The following GRIN1 variants were observed in gnomAD, a reference collection of about 807,000 sequenced individuals.
GRIN1 encodes the protein glutamate receptor ionotropic, NMDA 1.
A neutral mutation model predicts 103.0 loss-of-function variants in GRIN1; 38 were observed. That is an observed-to-expected ratio of 0.37 (90% CI 0.28 to 0.48). GRIN1 has a LOEUF of 0.48. GRIN1 is among the 20% of genes least tolerant of loss of function. The pLI is 0.98. For synonymous variants in GRIN1, 544 were observed against 532.7 expected (o/e 1.02, Z -0.29); for missense variants, 577 against 1,288.9 (o/e 0.45, Z 8.46).
intron 8 of GRIN1, among the ~76,000 whole-genome samples, chr9:137,159,360 C>T (rs529928200): frequency 2.6e-5 from 4 of 152,348 alleles, no homozygotes; most frequent in South Asian, 4.1e-4. Flanking sequence ...AACCTTCTCT[C>T]GGTCATTCCA....
At chr9:137,160,460 C>T (rs539970412) in intron 8 of GRIN1, among the ~76,000 whole-genome samples, 1 of 151,712 alleles carries the variant, frequency 6.6e-6, no homozygotes, top group Non-Finnish European at 1.5e-5. Flanking sequence ...GACAGAGTCT[C>T]GCTCTGTCGC....
intron 2 of GRIN1, among the ~76,000 whole-genome samples, chr9:137,143,530 C>T (rs140240880): frequency 7.2e-5 from 11 of 152,180 alleles, no homozygotes; most frequent in South Asian, 4.1e-4. Context: ...AAATGAAAGG[C>T]GGGGGAAACG....
chr9:137,152,088 A>C (rs1232365107), intron 4 of GRIN1, among the ~76,000 whole-genome samples: 1 of 151,994 alleles, frequency 6.6e-6, no homozygotes, highest in Admixed American at 6.6e-5. Flanking sequence ...TTGTATTTTT[A>C]GTAGAGACGG....
chr9:137,154,953 C>A (rs1431534135), intron 4 of GRIN1, among the ~76,000 whole-genome samples: 1 of 152,198 alleles, frequency 6.6e-6, no homozygotes, highest in East Asian at 1.9e-4. Flanking sequence ...GACCTTCAGC[C>A]TGTCATATTT....
At position 137,139,479 on chromosome 9, in the gene GRIN1, C is replaced by T. The variant is rs1332762464; in HGVS notation, c.-8C>T. ...CGCCGCGCAGAGCCAGGCCCGCGGC[C>T]CGAGCCCATGAGCACCATGCGCCTG... On this transcript the variant is annotated 5_prime_UTR_variant, in exon 1 of 20. Coordinates refer to ENST00000371561, the MANE Select transcript of GRIN1 (RefSeq NM_007327.4). This position sits in a 1 kb window ranked among gnomAD's most constrained non-coding sequence, Gnocchi z 7.7. 2 of 1,569,002 alleles carry T rather than the reference C, an allele frequency of 1.3e-6. No homozygotes were observed. The highest frequency in any genetic ancestry group is 2.7e-5 in the African/African-American group (2 of 73,824).
At chr9:137,147,315 C>T (rs1384385584) in intron 3 of GRIN1, among the ~76,000 whole-genome samples, 2 of 151,984 alleles carry the variant, frequency 1.3e-5, no homozygotes, top group Non-Finnish European at 2.9e-5. Context: ...CGCACAGGTG[C>T]GCTCCTCACA....
At chr9:137,143,421 C>T (rs944172719) in intron 2 of GRIN1, among the ~76,000 whole-genome samples, 1 of 152,266 alleles carries the variant, frequency 6.6e-6, no homozygotes, top group Non-Finnish European at 1.5e-5. Flanking sequence ...GGTCTCATTC[C>T]TGTGCCCTCA....
intron 16 of GRIN1, 28 bp from the exon 17 acceptor site, chr9:137,163,531 C>G (rs1308118181): frequency 1.3e-6 from 2 of 1,500,466 alleles, no homozygotes; most frequent in Admixed American, 1.7e-5. Context: ...CCCCGCCTCA[C>G]TGCAGGCTCA....
intron 3 of GRIN1, among the ~76,000 whole-genome samples, chr9:137,147,715 G>A (rs910169805): frequency 6.6e-6 from 1 of 152,264 alleles, no homozygotes; most frequent in Non-Finnish European, 1.5e-5. Context: ...AGAGGCAGAG[G>A]GAGACCAAGG....
intron 3 of GRIN1, chr9:137,148,065 G>A (rs1832649864): frequency 1.1e-5 from 9 of 842,264 alleles, no homozygotes; most frequent in Non-Finnish European, 1.7e-5. Context: ...CCGAGGAGGT[G>A]GTGTGATTGC....
intron 4 of GRIN1, among the ~76,000 whole-genome samples, chr9:137,155,645 T>A (rs1025917263): frequency 6.6e-6 from 1 of 152,194 alleles, no homozygotes; most frequent in African/African-American, 2.4e-5. Context: ...GGTCAGGCCC[T>A]GCAGAGAAAG....
At chr9:137,167,318 C>T (rs1833933889) in intron 19 of GRIN1, 93 bp from the exon 20 acceptor site, 2 of 981,738 alleles carry the variant, frequency 2.0e-6, no homozygotes, top group African/African-American at 1.6e-5. Flanking sequence ...GTCCTGTGGC[C>T]GGTCCGGGCC....
At position 137,147,056 on chromosome 9, in the gene GRIN1, G is replaced by A. The variant is rs796305048; in HGVS notation, c.570+1154G>A. ...GACAGGCCCCTCCCCCCCAGCACCC[G>A]ACAGGCCCCTCACCCCAGCGCTCGA... On this transcript the variant is annotated intron_variant, in intron 3 of 19. Transcript: ENST00000371561. Among the ~76,000 whole-genome samples the A allele has an allele frequency of 2.7e-3, 172 of 63,770 alleles. 1 individual carries two copies. Among genetic ancestry groups the A allele is most frequent in the African/African-American group, 9.6e-3 (158 of 16,494 alleles). The allele number at this position is 63,770 out of a possible 152,430, so 41.8% of individuals were successfully genotyped here.
At chr9:137,150,987 G>C (rs1832847300) in intron 4 of GRIN1, among the ~76,000 whole-genome samples, 1 of 95,192 alleles carries the variant, frequency 1.1e-5, no homozygotes, top group Admixed American at 1.2e-4. Context: ...CCAGAGAAAA[G>C]ACCCGCCCAG....
At chr9:137,140,180 C>A (rs1832088454) in intron 1 of GRIN1, among the ~76,000 whole-genome samples, 1 of 152,236 alleles carries the variant, frequency 6.6e-6, no homozygotes, top group African/African-American at 2.4e-5. Flanking sequence ...TCCCTTCCCC[C>A]TACCGATGGG....
At chr9:137,166,486 G>A (rs1487575422) in intron 19 of GRIN1, among the ~76,000 whole-genome samples, 1 of 152,252 alleles carries the variant, frequency 6.6e-6, no homozygotes, top group African/African-American at 2.4e-5. Context: ...CTTACGCCCG[G>A]GGGAGGAAGT....
chr9:137,145,480 G>A lies in GRIN1; in HGVS notation c.394-246G>A, dbSNP rs556802189. On this transcript the variant is annotated intron_variant, in intron 2 of 19. Coordinates refer to ENST00000371561, the MANE Select transcript of GRIN1 (RefSeq NM_007327.4). ...CCAGAGTCTAGAAAGTGTCCCCAGCGGGGTGGGGACAGGGGTGGGAGACAC... is the reference window on the plus strand; with the variant it reads ...CCAGAGTCTAGAAAGTGTCCCCAGCAGGGTGGGGACAGGGGTGGGAGACAC... 2.3e-4 allele frequency among the ~76,000 whole-genome samples: 30 copies of A among 132,076 alleles called. 1 individual carries two copies. The East Asian group carries it at 3.8e-3, about 17-fold the overall frequency. 86.6% of individuals were successfully genotyped at this position (132,076 alleles called of 152,430 possible).
chr9:137,156,646 C>T (rs201700382), intron 4 of GRIN1, 23 bp from the exon 5 acceptor site: 183 of 1,596,848 alleles, frequency 1.1e-4, no homozygotes, highest in Non-Finnish European at 1.4e-4. Flanking sequence ...AGTCCTGGCC[C>T]GTCATCCCCG....
At chr9:137,162,771 C>T (rs1833628387) in intron 14 of GRIN1, 32 bp downstream of exon 14, 2 of 1,600,828 alleles carry the variant, frequency 1.2e-6, no homozygotes. Flanking sequence ...GGAGGGAATG[C>T]GAGGTGAGCT....
Sources: allele counts gnomAD v4.1 joint callset (sites outside exome capture counted in the v4.1 genomes callset), GRCh38; gene constraint gnomAD v4.1.1; non-coding constraint Gnocchi (gnomAD v3.1); transcripts MANE v1.5; gene names NCBI Gene and HGNC (gene_info 2026-07-23, HGNC 2026-07-21).